PRKCH: variants seen among roughly 807,000 people sequenced by gnomAD.
PRKCH encodes the protein protein kinase C eta type.
PRKCH carries 28 observed loss-of-function variants against 82.5 expected under a neutral mutation model. The observed-to-expected ratio is 0.34, with a 90% CI of 0.25 to 0.47. The LOEUF is 0.47. Among genes scored for constraint, PRKCH ranks in the 20% least tolerant of loss-of-function variants. The pLI, the probability that PRKCH is intolerant of heterozygous loss-of-function variation, is 1.00. For missense variants in PRKCH, 705 were observed against 881.8 expected (o/e 0.80, Z 2.54); for synonymous variants, 322 against 327.4 (o/e 0.98, Z 0.18).
chr14:61,319,860 G>A (rs1362410253), upstream of PRKCH, among the ~76,000 whole-genome samples: 2 of 152,236 alleles, frequency 1.3e-5, no homozygotes, highest in African/African-American at 4.8e-5. Context: ...CTCTAAGGAA[G>A]CTTTGGTGTT....
intron 1 of PRKCH, among the ~76,000 whole-genome samples, chr14:61,203,908 A>G (rs898347836): frequency 2.0e-5 from 3 of 152,090 alleles, no homozygotes; most frequent in African/African-American, 7.2e-5. Flanking sequence ...ACACACAAAT[A>G]CCCACACACT....
intron 1 of PRKCH, among the ~76,000 whole-genome samples, chr14:61,333,925 T>C (rs1451790854): frequency 6.6e-6 from 1 of 152,138 alleles, no homozygotes; most frequent in African/African-American, 2.4e-5. Flanking sequence ...CTCTTACCCT[T>C]TGAGCCCCAG....
intron 1 of PRKCH, among the ~76,000 whole-genome samples, chr14:61,235,062 G>T (rs201586516): frequency 6.6e-6 from 1 of 152,196 alleles, no homozygotes; most frequent in Admixed American, 6.5e-5. Flanking sequence ...AGCACATGGG[G>T]ATATCTACTT....
At chr14:61,474,112 A>T (rs1885625714) in intron 9 of PRKCH, among the ~76,000 whole-genome samples, 3 of 152,188 alleles carry the variant, frequency 2.0e-5, no homozygotes. Context: ...GAAGAATCAG[A>T]AGGAAGTGGT....
chr14:61,219,368 G>A (rs568851463), intron 1 of PRKCH, among the ~76,000 whole-genome samples: 16 of 152,348 alleles, frequency 1.1e-4, no homozygotes, highest in African/African-American at 3.1e-4. Context: ...AAGTGAAAGA[G>A]CCATTCTGTT....
At position 61,548,878 on chromosome 14, in the gene PRKCH, A is replaced by AC. The variant is rs1248923045; in HGVS notation, c.1906-807_1906-806insC. Among the ~76,000 whole-genome samples the AC allele has an allele frequency of 3.3e-5, 5 of 151,830 alleles. No homozygotes were observed. The East Asian group carries it at 9.6e-4, about 29-fold the overall frequency. ...CTTTGTCTCAAAAAAAAAAAAAAAA[A>AC]AGTGATAGAGAAATATCATTGATTA... On this transcript the variant is annotated intron_variant, in intron 13 of 13. Transcript: ENST00000332981.
intron 10 of PRKCH, among the ~76,000 whole-genome samples, chr14:61,515,952 T>C (rs2042821752): frequency 1.3e-5 from 2 of 152,274 alleles, no homozygotes; most frequent in East Asian, 1.9e-4. Context: ...ATCATTTCTA[T>C]GAGGCAGGAA....
At chr14:61,546,089 A>G (rs1472881937) in intron 12 of PRKCH, among the ~76,000 whole-genome samples, 1 of 152,228 alleles carries the variant, frequency 6.6e-6, no homozygotes, top group Non-Finnish European at 1.5e-5. Flanking sequence ...TCCATCAGGA[A>G]TTGTATCCCG....
chr14:61,482,412 T>C (rs1053304828), intron 9 of PRKCH, among the ~76,000 whole-genome samples: 5 of 152,198 alleles, frequency 3.3e-5, no homozygotes, highest in African/African-American at 1.2e-4. Flanking sequence ...CATTTTAAAA[T>C]GGGGTGAACA....
At chr14:61,215,318 T>A (rs1255733463) in intron 1 of PRKCH, among the ~76,000 whole-genome samples, 1 of 152,216 alleles carries the variant, frequency 6.6e-6, no homozygotes, top group Non-Finnish European at 1.5e-5. Flanking sequence ...GAGCAAAGAC[T>A]GAGGCTTCCC....
chr14:61,344,074 A>G (rs1244288519), intron 1 of PRKCH, among the ~76,000 whole-genome samples: 1 of 152,152 alleles, frequency 6.6e-6, no homozygotes, highest in Non-Finnish European at 1.5e-5. Flanking sequence ...TTGTCATTTG[A>G]GGGACACAGC....
At chr14:61,337,386 T>G (rs967512206) in intron 1 of PRKCH, among the ~76,000 whole-genome samples, 1 of 152,262 alleles carries the variant, frequency 6.6e-6, no homozygotes, top group Non-Finnish European at 1.5e-5. Context: ...AAATATGAAG[T>G]ACTTTTTTTC....
At chr14:61,234,621 GAGA>G (rs1176218733) in intron 1 of PRKCH, among the ~76,000 whole-genome samples, 3 of 152,200 alleles carry the variant, frequency 2.0e-5, no homozygotes, top group Non-Finnish European at 4.4e-5. Flanking sequence ...CTATTACTCT[GAGA>G]AGGATAACTC....
chr14:61,382,229 G>A (rs538969611), intron 1 of PRKCH, among the ~76,000 whole-genome samples: 5 of 152,198 alleles, frequency 3.3e-5, no homozygotes, highest in South Asian at 4.1e-4. Flanking sequence ...TCAGGAGTTC[G>A]ACACCAGCCT....
rs543997753 is a variant in PRKCH at position 61,530,403 on chromosome 14, A to G, written c.1573-4A>G. On this transcript the variant is annotated splice_polypyrimidine_tract_variant and splice_region_variant and intron_variant, in intron 11 of 13. Coordinates refer to ENST00000332981, the MANE Select transcript of PRKCH (RefSeq NM_006255.5). The stretch of plus-strand genomic sequence containing the variant: ...CACCTTCTCACGCTGCCCCCTTTGC[A>G]CAGATCCTCCAGGAAATGCTGTACG... The G allele has an allele frequency of 8.3e-6, 13 of 1,574,394 alleles. No homozygotes were observed. The South Asian group carries it at 1.4e-4, about 17-fold the overall frequency.
chr14:61,202,854 T>C (rs72725844), intron 1 of PRKCH, among the ~76,000 whole-genome samples: 2 of 152,248 alleles, frequency 1.3e-5, no homozygotes, highest in African/African-American at 4.8e-5. Context: ...GTTATATTGA[T>C]GAGCCAATAT....
intron 2 of PRKCH, among the ~76,000 whole-genome samples, chr14:61,392,216 T>G (rs1012566336): frequency 1.3e-5 from 2 of 152,214 alleles, no homozygotes; most frequent in Non-Finnish European, 2.9e-5. Flanking sequence ...ATGCTTTTAT[T>G]AACCTTCTTA....
chr14:61,399,582 G>C (rs553402425), intron 2 of PRKCH, among the ~76,000 whole-genome samples: 2 of 152,152 alleles, frequency 1.3e-5, no homozygotes, highest in African/African-American at 2.4e-5. Context: ...CTTTTGTTCC[G>C]TCATAAAGTT....
At chr14:61,292,238 A>G (rs1223947307) in intron 1 of PRKCH, among the ~76,000 whole-genome samples, 1 of 151,362 alleles carries the variant, frequency 6.6e-6, no homozygotes, top group Non-Finnish European at 1.5e-5. Context: ...TAATCCCAGC[A>G]CTTTAGGAGG....
Sources: allele counts gnomAD v4.1 joint callset (sites outside exome capture counted in the v4.1 genomes callset), GRCh38; gene constraint gnomAD v4.1.1; transcripts MANE v1.5; gene names NCBI Gene and HGNC (gene_info 2026-07-23, HGNC 2026-07-21).